The following MYOM3 variants were observed in gnomAD, a reference collection of about 807,000 sequenced individuals.
MYOM3 encodes myomesin-3.
In MYOM3, 155 loss-of-function variants were observed where a neutral mutation model predicts 191.7. The ratio of observed to expected loss-of-function variants is 0.81; its 90% confidence interval spans 0.71 to 0.92. MYOM3 has a LOEUF of 0.92. Among genes scored for constraint, MYOM3 ranks in the 40% least tolerant of loss-of-function variants. The pLI, the probability that MYOM3 is intolerant of heterozygous loss-of-function variation, is 0.00. For missense variants in MYOM3, 1,889 were observed against 1,890.6 expected (o/e 1.00, Z 0.02); for synonymous variants, 757 against 762.9 (o/e 0.99, Z 0.13).
Position 24,092,243 on chromosome 1 carries a change from C to A in MYOM3, c.1163G>T (p.Cys388Phe). The A allele has an allele frequency of 7.0e-7, 1 of 1,429,928 alleles. No homozygotes were observed. Among genetic ancestry groups the A allele is most frequent in the South Asian group, 1.6e-5 (1 of 63,026 alleles). The allele number at this position is 1,429,928 out of a possible 1,614,324, so 88.6% of individuals were successfully genotyped here. ...NVRCLDVNRD[C>F]LILTWAPPSD... ...GGGCGGGGCCCAAGTCAGGATGAGG[C>A]AGTCTCTGTTCACATCCAGGCATCG... Residue 388 changes from cysteine (C) to phenylalanine (F), a missense_variant, in exon 11 of 37, where the codon TGC becomes TTC. Coordinates refer to ENST00000374434, the MANE Select transcript of MYOM3 (RefSeq NM_152372.4).
chr1:24,096,612 G>A (rs1643879400), intron 7 of MYOM3, among the ~76,000 whole-genome samples: 1 of 152,248 alleles, frequency 6.6e-6, no homozygotes, highest in Non-Finnish European at 1.5e-5. Context: ...AGAGGGCTGT[G>A]CAGGACAGTT....
rs758303720 is a variant in MYOM3 at position 24,092,264 on chromosome 1, C to G, written c.1142G>C (p.Cys381Ser). Reference protein sequence around the residue: ...GAPGSPLNVRCLDVNRDCLIL... With the variant: ...GAPGSPLNVRSLDVNRDCLIL... ...GAGGCAGTCTCTGTTCACATCCAGG[C>G]ATCGGACGTTCAGTGGGGAGCCTGG... Residue 381 changes from cysteine (C) to serine (S), a missense_variant, in exon 11 of 37, where the codon TGC becomes TCC. Cys to Ser is a moderately radical substitution (Grantham distance 112). Transcript: ENST00000374434. 6.4e-6 allele frequency: 9 copies of G among 1,399,404 alleles called. No individual in the cohort carries two copies. In the African/African-American group the frequency reaches 8.9e-5, roughly 14 times the overall value. 86.7% of individuals were successfully genotyped at this position (1,399,404 alleles called of 1,614,324 possible). A position where few individuals can be genotyped will look rare whatever the true frequency, so the allele number is the denominator to read the frequency against.
At position 24,076,194 on chromosome 1, in the gene MYOM3, A is replaced by C; in HGVS notation, c.2666T>G (p.Met889Arg). ...CTCCAGGAGCACGGGATCAGTGGGC[A>C]TGGACGGTTGCCCCAGACCAGCTGA... Reference protein sequence around the residue: ...MNSAGLGQPSMPTDPVLLEDK... With the variant: ...MNSAGLGQPSRPTDPVLLEDK... Residue 889 changes from methionine to arginine, a missense_variant, in exon 21 of 37, where the codon ATG becomes AGG. Transcript: ENST00000374434. 1 of 1,614,174 alleles carries C rather than the reference A, an allele frequency of 6.2e-7. No individual in the cohort carries two copies. Among genetic ancestry groups the C allele is most frequent in the South Asian group, 1.1e-5 (1 of 91,092 alleles).
At chr1:24,066,879 G>A in intron 28 of MYOM3, 142 bp downstream of exon 28, 1 of 738,962 alleles carries the variant, frequency 1.4e-6, no homozygotes, top group South Asian at 2.1e-5. Flanking sequence ...GGTCTCCTCG[G>A]GGGTACTTTC....
chr1:24,094,947 C>A lies in MYOM3; in HGVS notation c.834G>T (p.Lys278Asn). 2 of 1,614,082 alleles carry A rather than the reference C, an allele frequency of 1.2e-6. No homozygotes were observed. The highest frequency in any genetic ancestry group is 2.2e-5 in the South Asian group (2 of 91,056). The change falls in exon 9 of 37, where the codon AAG becomes AAT. Residue 278 changes from lysine to asparagine, a missense_variant. Physicochemically the swap from Lys to Asn is moderately conservative, Grantham distance 94 (BLOSUM62 0). Transcript: ENST00000374434. The part of the protein sequence containing the change: ...GPSVEFTSVL[K>N]PVFAREKEPF... ...GTTCCTTCTCACGAGCAAAGACTGG[C>A]TTCAGCACCGAGGTGAATTCCACGC...
intron 5 of MYOM3, 50 bp from the exon 6 acceptor site, chr1:24,099,825 G>A (rs753538680): frequency 4.4e-6 from 6 of 1,377,886 alleles, no homozygotes; most frequent in Non-Finnish European, 6.2e-6. Context: ...TAAGCGGGAG[G>A]GGTCTGGAGC....
chr1:24,093,643 C>T (rs1643863701), intron 9 of MYOM3, among the ~76,000 whole-genome samples: 2 of 151,980 alleles, frequency 1.3e-5, no homozygotes, highest in Non-Finnish European at 1.5e-5. Context: ...GTCCAGGGCT[C>T]AGGGGCGGGC....
At chr1:24,093,344 C>T (rs531113563) in intron 9 of MYOM3, among the ~76,000 whole-genome samples, 32 of 151,998 alleles carry the variant, frequency 2.1e-4, no homozygotes, top group Non-Finnish European at 4.4e-4. Context: ...GGCTGGGGCT[C>T]AATGAGGGAG....
chr1:24,061,071 A>C lies in MYOM3; in HGVS notation c.3983T>G (p.Ile1328Ser). 6 of 1,614,166 alleles carry C rather than the reference A, an allele frequency of 3.7e-6. No homozygotes were observed. Among genetic ancestry groups the C allele is most frequent in the Non-Finnish European group, 5.1e-6 (6 of 1,180,038 alleles). The change falls in exon 35 of 37, where the codon ATC becomes AGC. Residue 1328 changes from isoleucine (I) to serine (S), a missense_variant. Coordinates refer to ENST00000374434, the MANE Select transcript of MYOM3 (RefSeq NM_152372.4). ...AEHQRLKTLA[I>S]IEKNRAKVVR... ...ATCGGCCGACTTACTCTTCTCGATG[A>C]TGGCCAAGGTTCTGAAAAACAGAAA...
Position 24,105,946 on chromosome 1 carries a change from C to T in MYOM3, c.534G>A (p.Gln178=), listed in dbSNP as rs766807829. Residue 178 remains glutamine, a synonymous_variant, in exon 5 of 37, where the codon CAG becomes CAA. Transcript: ENST00000374434. ...AGGTGACCTGGGGTGGTGGTGAGGC[C>T]TGGACAGTGCAGGTCAGCAGGACCG... ...HTTVLLTCTV[Q]ASPPPQVTWY... 6.2e-6 allele frequency: 10 copies of T among 1,613,392 alleles called. No homozygotes were observed. The highest frequency in any genetic ancestry group is 1.3e-5 in the African/African-American group (1 of 75,036).
rs765990910 is a variant in MYOM3, at chr1:24,071,925, C to A, written c.3013+44G>T. On this transcript the variant is annotated intron_variant, in intron 24 of 36. Transcript: ENST00000374434. ...TCTGCTCAGAACATGCCAATGGGCC[C>A]AGTGGGAACTGCACAAGGCTGGTAG... 14 of 1,599,876 alleles carry A rather than the reference C, an allele frequency of 8.8e-6. No individual in the cohort carries two copies. The South Asian group carries it at 1.5e-4, about 18-fold the overall frequency.
At chr1:24,103,279 C>A (rs745528020) in intron 5 of MYOM3, among the ~76,000 whole-genome samples, 2 of 152,224 alleles carry the variant, frequency 1.3e-5, no homozygotes, top group Non-Finnish European at 2.9e-5. Context: ...CAGCAACTTG[C>A]GTGCGGGGAT....
rs938860957 is a variant in MYOM3, at chr1:24,076,819, T to A, written c.2587-546A>T. 6.0e-5 allele frequency among the ~76,000 whole-genome samples: 9 copies of A among 149,984 alleles called. 1 individual carries two copies. In the South Asian group the frequency reaches 6.3e-4, roughly 11 times the overall value. ...GTGAGCCACCGCGCCCGGCCCCTAA[T>A]GTTTCTTTTTTCTTTTTTTGAGACA... On this transcript the variant is annotated intron_variant, in intron 20 of 36. Transcript: ENST00000374434.
chr1:24,085,074 TTGAATGAATGGA>T (rs1643718987), intron 15 of MYOM3, among the ~76,000 whole-genome samples: 1 of 151,266 alleles, frequency 6.6e-6, no homozygotes, highest in Admixed American at 6.6e-5. Flanking sequence ...GGATGGTTGG[TTGAATGAATGGA>T]TGGATGGATG....
At chr1:24,106,491 G>A (rs911950770) in intron 4 of MYOM3, among the ~76,000 whole-genome samples, 1 of 152,152 alleles carries the variant, frequency 6.6e-6, no homozygotes, top group Non-Finnish European at 1.5e-5. Flanking sequence ...CTGTGTTCTA[G>A]GCAATGGGAA....
At chr1:24,058,120 C>G (rs748855854) in intron 36 of MYOM3, among the ~76,000 whole-genome samples, 9 of 152,130 alleles carry the variant, frequency 5.9e-5, no homozygotes, top group Non-Finnish European at 1.2e-4. Flanking sequence ...CTCAACCTTT[C>G]TACAGGAATA....
intron 9 of MYOM3, among the ~76,000 whole-genome samples, chr1:24,094,322 C>A (rs111443293): frequency 3.3e-5 from 5 of 152,040 alleles, no homozygotes; most frequent in East Asian, 1.9e-4. Context: ...AGGCACCCAC[C>A]AACATGCCTG....
Position 24,092,865 on chromosome 1 carries a change from G to GCC in MYOM3, c.1090+80_1090+81dup, listed in dbSNP as rs1408551639. The GCC allele has an allele frequency of 3.0e-6, 4 of 1,340,450 alleles. No individual in the cohort carries two copies. The Admixed American group carries it at 1.3e-4, about 43-fold the overall frequency. 83.0% of individuals were successfully genotyped at this position (1,340,450 alleles called of 1,614,324 possible). On this transcript the variant is annotated intron_variant, in intron 10 of 36. Coordinates refer to ENST00000374434, the MANE Select transcript of MYOM3 (RefSeq NM_152372.4). ...GAGGCCCCAAGAGAGCAGGGTCCTT[G>GCC]CCTAAGGTTCCACAGCAAACAAGGG...
chr1:24,097,813 C>G (rs559543936), intron 7 of MYOM3, 110 bp downstream of exon 7: 1 of 800,448 alleles, frequency 1.2e-6, no homozygotes, highest in South Asian at 1.5e-5. Flanking sequence ...CCAGGCTGAA[C>G]AGCCTTGTGC....
Sources: gnomAD v4.1 joint callset for allele counts (sites outside exome capture counted in the v4.1 genomes callset) on GRCh38, gnomAD v4.1.1 for gene constraint, MANE v1.5 for transcripts, NCBI Gene and HGNC (gene_info 2026-07-23, HGNC 2026-07-21) for gene names.